The following PCDHGB2 variants were observed in gnomAD, a reference collection of about 807,000 sequenced individuals.
PCDHGB2 encodes protocadherin gamma subfamily B, 2, also known as protocadherin gamma-B2.
PCDHGB2 carries 55 observed loss-of-function variants against 59.3 expected under a neutral mutation model. The ratio of observed to expected loss-of-function variants is 0.93; its 90% CI spans 0.75 to 1.16. The LOEUF (loss-of-function observed/expected upper bound fraction) is 1.16, where lower values mean the gene tolerates loss of function less well. PCDHGB2 is among the 50% of genes most tolerant of loss of function. PCDHGB2 has a pLI of 0.00. For synonymous variants in PCDHGB2, 516 were observed against 512.0 expected (o/e 1.01, Z -0.11); for missense variants, 1,228 against 1,198.5 (o/e 1.02, Z -0.36).
At chr5:141,427,838 C>T (rs978867590) in intron 1 of PCDHGB2, 4 of 1,546,186 alleles carry the variant, frequency 2.6e-6, no homozygotes, top group Non-Finnish European at 1.8e-6. Flanking sequence ...AGCGTGCCTT[C>T]GACCACGAGC....
chr5:141,362,657 G>T, intron 1 of PCDHGB2, 101 bp downstream of exon 1: 1 of 1,396,950 alleles, frequency 7.2e-7, no homozygotes, highest in Non-Finnish European at 9.5e-7. Context: ...GTTAGATTTG[G>T]CCAATGTTGT....
In PCDHGB2 at chr5:141,485,219, A is replaced by C. The variant is rs954128321; in HGVS notation, c.2422-9588A>C. 20 of 1,613,930 alleles carry C rather than the reference A, an allele frequency of 1.2e-5. No individual in the cohort carries two copies. The highest frequency in any genetic ancestry group is 1.6e-5 in the Non-Finnish European group (19 of 1,179,944). On this transcript the variant is annotated intron_variant, in intron 1 of 3. Coordinates refer to ENST00000522605, the MANE Select transcript of PCDHGB2 (RefSeq NM_018923.3). The surrounding 1 kb of genome is among the most constrained non-coding windows in gnomAD (Gnocchi z 5.7). The stretch of plus-strand genomic sequence containing the variant: ...CTGGACAGAAATCTGGCGGTGGGCT[A>C]CCCTTTTGTTCCTCTTTTACCACCT...
Position 141,361,352 on chromosome 5 carries a change from C to G in PCDHGB2, c.1217C>G (p.Thr406Arg). 1 of 1,613,998 alleles carries G rather than the reference C, an allele frequency of 6.2e-7. No individual in the cohort carries two copies. Among genetic ancestry groups the G allele is most frequent in the Non-Finnish European group, 8.5e-7 (1 of 1,179,900 alleles). The change falls in exon 1 of 4, where the codon ACA (threonine) becomes AGA (arginine). Residue 406 changes from threonine (T) to arginine (R), a missense_variant. Coordinates refer to ENST00000522605, the MANE Select transcript of PCDHGB2 (RefSeq NM_018923.3). ...TCAAAGAACTATTACAAACTAGTGACAGACGGCGCTCTGGACCGGGAGGAG... is the reference window on the plus strand; with the variant it reads ...TCAAAGAACTATTACAAACTAGTGAGAGACGGCGCTCTGGACCGGGAGGAG... ...SSSKNYYKLVTDGALDREEIP... is the reference protein window; with the variant it reads ...SSSKNYYKLVRDGALDREEIP...
chr5:141,376,384 T>C (rs1588802430), intron 1 of PCDHGB2: 13 of 1,614,204 alleles, frequency 8.1e-6, no homozygotes, highest in Middle Eastern at 1.7e-4. Context: ...GTAAGAGTCA[T>C]CTGATTTTCC....
intron 1 of PCDHGB2, chr5:141,394,278 T>C: frequency 6.2e-7 from 1 of 1,613,924 alleles, no homozygotes; most frequent in Non-Finnish European, 8.5e-7. Context: ...CCAGGTCACT[T>C]ACTCTGTGAC....
chr5:141,435,614 C>A, intron 1 of PCDHGB2, among the ~76,000 whole-genome samples: 1 of 152,056 alleles, frequency 6.6e-6, no homozygotes, highest in East Asian at 1.9e-4. Flanking sequence ...ACATTAAATT[C>A]CCCATAACTT....
rs532502013 is a variant in PCDHGB2 at position 141,404,723 on chromosome 5, G to A, written c.2421+42167G>A. 3.1e-6 allele frequency: 5 copies of A among 1,614,094 alleles called. No individual in the cohort carries two copies. Among genetic ancestry groups the A allele is most frequent in the Middle Eastern group, 1.6e-4 (1 of 6,062 alleles). On this transcript the variant is annotated intron_variant, in intron 1 of 3. Coordinates refer to ENST00000522605, the MANE Select transcript of PCDHGB2 (RefSeq NM_018923.3). ...AGAGCCTGGCTACCTGGTGACCAAG[G>A]TGGTGGCAGTGGACAGAGACTCAGG...
intron 1 of PCDHGB2, chr5:141,409,079 T>C (rs2095221320): frequency 2.5e-6 from 4 of 1,613,908 alleles, no homozygotes; most frequent in Non-Finnish European, 3.4e-6. Context: ...ACATATGTTC[T>C]CATTGGATGA....
chr5:141,421,073 G>A (rs2096544393), intron 1 of PCDHGB2: 4 of 613,858 alleles, frequency 6.5e-6, no homozygotes, highest in Non-Finnish European at 1.1e-5. Flanking sequence ...GGAATGAGAT[G>A]GATACTCACA....
At chr5:141,462,781 G>C (rs893647456) in intron 1 of PCDHGB2, among the ~76,000 whole-genome samples, 1 of 152,102 alleles carries the variant, frequency 6.6e-6, no homozygotes, top group Non-Finnish European at 1.5e-5. Flanking sequence ...GTCATAATTT[G>C]TTGCTTATTT....
At chr5:141,387,568 T>G in intron 1 of PCDHGB2, 1 of 447,496 alleles carries the variant, frequency 2.2e-6, no homozygotes, top group Admixed American at 3.9e-5. Context: ...CACACAATTA[T>G]AATTATTGCA....
chr5:141,452,791 C>T (rs1202677389), intron 1 of PCDHGB2, among the ~76,000 whole-genome samples: 2 of 152,156 alleles, frequency 1.3e-5, no homozygotes, highest in Non-Finnish European at 2.9e-5. Context: ...AACATACCAT[C>T]ATTTTTGCTG....
At chr5:141,418,189 G>A in intron 1 of PCDHGB2, 1 of 1,614,046 alleles carries the variant, frequency 6.2e-7, no homozygotes, top group Admixed American at 1.7e-5. Flanking sequence ...AAGCTGTGGT[G>A]GAAAATCCTT....
At position 141,493,666 on chromosome 5, in the gene PCDHGB2, C is replaced by T. The variant is rs1475584876; in HGVS notation, c.2422-1141C>T. On this transcript the variant is annotated intron_variant, in intron 1 of 3. Transcript: ENST00000522605. The surrounding 1 kb of genome is among the most constrained non-coding windows in gnomAD (Gnocchi z 4.3). ...GCCATCCCTGTGCCCTTCTCCATGG[C>T]AGCCCCAGAATGGTGCTGGTGACTC... 6.6e-6 allele frequency among the ~76,000 whole-genome samples: 1 copy of T among 152,176 alleles called. No individual in the cohort carries two copies. The highest frequency in any genetic ancestry group is 1.5e-5 in the Non-Finnish European group (1 of 68,028).
chr5:141,485,609 G>T lies in PCDHGB2; in HGVS notation c.2422-9198G>T. On this transcript the variant is annotated intron_variant, in intron 1 of 3. Coordinates refer to ENST00000522605, the MANE Select transcript of PCDHGB2 (RefSeq NM_018923.3). The surrounding 1 kb of genome is among the most constrained non-coding windows in gnomAD (Gnocchi z 5.7). ...GCTGGACTTGGAAATTGGGGAGGCA[G>T]CTCCTCCAGGACAGCGTTTCCCGTT... The T allele has an allele frequency of 6.2e-7, 1 of 1,612,256 alleles. No homozygotes were observed. Among genetic ancestry groups the T allele is most frequent in the Non-Finnish European group, 8.5e-7 (1 of 1,178,656 alleles).
At position 141,432,370 on chromosome 5, in the gene PCDHGB2, C is replaced by A. The variant is rs1362496624; in HGVS notation, c.2422-62437C>A. On this transcript the variant is annotated intron_variant, in intron 1 of 3. Transcript: ENST00000522605. The surrounding 1 kb of genome is among the most constrained non-coding windows in gnomAD (Gnocchi z 6.0). Reference sequence around the variant, plus strand: ...AAGTGAAAGTGATGGCGCGGGACAACGGGCACCCGCCCCTCAGCAGCAACG... The same window carrying A: ...AAGTGAAAGTGATGGCGCGGGACAAAGGGCACCCGCCCCTCAGCAGCAACG... The A allele has an allele frequency of 6.2e-7, 1 of 1,614,240 alleles. No homozygotes were observed. The highest frequency in any genetic ancestry group is 8.5e-7 in the Non-Finnish European group (1 of 1,180,048).
At position 141,486,447 on chromosome 5, in the gene PCDHGB2, T is replaced by A. The variant is rs1452869378; in HGVS notation, c.2422-8360T>A. 6.2e-7 allele frequency: 1 copy of A among 1,614,058 alleles called. No individual in the cohort carries two copies. The highest frequency in any genetic ancestry group is 1.7e-5 in the Admixed American group (1 of 60,012). On this transcript the variant is annotated intron_variant, in intron 1 of 3. Coordinates refer to ENST00000522605, the MANE Select transcript of PCDHGB2 (RefSeq NM_018923.3). This position sits in a 1 kb window ranked among gnomAD's most constrained non-coding sequence, Gnocchi z 5.0. Reference sequence around the variant, plus strand: ...GCCAAATCTAGCTATGACATCATGGTCACTGCTTCTGATGCTGGGAACCCT... The same window carrying A: ...GCCAAATCTAGCTATGACATCATGGACACTGCTTCTGATGCTGGGAACCCT...
chr5:141,440,990 C>T (rs1195325115), intron 1 of PCDHGB2: 2 of 152,172 alleles, frequency 1.3e-5, no homozygotes, highest in African/African-American at 4.8e-5. Flanking sequence ...CCAGAGTACC[C>T]ATATCTAGTT....
chr5:141,410,629 C>A (rs1393614526), intron 1 of PCDHGB2: 1 of 1,601,482 alleles, frequency 6.2e-7, no homozygotes, highest in East Asian at 2.2e-5. Context: ...CGGTGAGTTT[C>A]TCTTTTTTGT....
Sources: gnomAD v4.1 joint callset for allele counts (sites outside exome capture counted in the v4.1 genomes callset) on GRCh38, gnomAD v4.1.1 for gene constraint, Gnocchi (gnomAD v3.1) non-coding constraint, MANE v1.5 for transcripts, NCBI Gene and HGNC (gene_info 2026-07-23, HGNC 2026-07-21) for gene names.